The following PRKG1 variants were observed in gnomAD, a reference collection of about 807,000 sequenced individuals.
The protein encoded by PRKG1 is protein kinase cGMP-dependent 1.
PRKG1 carries 35 observed loss-of-function variants against 88.1 expected under a neutral mutation model. The ratio of observed to expected loss-of-function variants is 0.40; its 90% CI spans 0.30 to 0.53. PRKG1 has a LOEUF of 0.53. Ranked by LOEUF, PRKG1 falls within the 20% of genes least tolerant of loss-of-function variation. PRKG1 has a pLI of 0.59. For synonymous variants in PRKG1, 303 were observed against 292.5 expected (o/e 1.04, Z -0.37); for missense variants, 540 against 839.8 (o/e 0.64, Z 4.41).
At chr10:51,077,663 G>A (rs1417589557) in intron 1 of PRKG1, among the ~76,000 whole-genome samples, 3 of 152,122 alleles carry the variant, frequency 2.0e-5, no homozygotes, top group Admixed American at 6.5e-5. Flanking sequence ...GGAAGGTTCT[G>A]TCAGATTCCA....
rs555678608 is a variant in PRKG1, at chr10:51,652,855, C to T, written c.593-151730C>T. 2.6e-4 allele frequency among the ~76,000 whole-genome samples: 39 copies of T among 152,290 alleles called. No homozygotes were observed. In the South Asian group the frequency reaches 7.9e-3, roughly 31 times the overall value. ...TCCTGTCTAATTGAAACTTTGAGCC[C>T]TTTGATCAACATCTCCTCTTCTCCT... is the stretch of plus-strand genomic sequence containing the variant. On this transcript the variant is annotated intron_variant, in intron 3 of 17. Coordinates refer to ENST00000373980, the MANE Select transcript of PRKG1 (RefSeq NM_006258.4).
Position 51,780,892 on chromosome 10 carries a change from C to T in PRKG1, c.593-23693C>T, listed in dbSNP as rs576146919. Among the ~76,000 whole-genome samples, 4 of 152,218 alleles carry T rather than the reference C, an allele frequency of 2.6e-5. No homozygotes were observed. The South Asian group carries it at 6.2e-4, about 24-fold the overall frequency. Reference sequence around the variant, plus strand: ...TTTCTTATTCATGTGAAACAGGTGTCATCACATAAAATTTTGACATAGAAT... The same window carrying T: ...TTTCTTATTCATGTGAAACAGGTGTTATCACATAAAATTTTGACATAGAAT... On this transcript the variant is annotated intron_variant, in intron 3 of 17. Coordinates refer to ENST00000373980, the MANE Select transcript of PRKG1 (RefSeq NM_006258.4).
In PRKG1 at chr10:51,637,588, G is replaced by A. The variant is rs116565436; in HGVS notation, c.593-166997G>A. 8.2e-3 allele frequency among the ~76,000 whole-genome samples: 1,255 copies of A among 152,304 alleles called. 16 individuals are homozygous for A. The highest frequency in any genetic ancestry group is 0.028 in the African/African-American group (1,155 of 41,564). On this transcript the variant is annotated intron_variant, in intron 3 of 17. Coordinates refer to ENST00000373980, the MANE Select transcript of PRKG1 (RefSeq NM_006258.4). ...ATACACCATGGAATACCTTGCAGCC[G>A]TTAAAAGGAACGAGATTATGTCCTC...
intron 5 of PRKG1, among the ~76,000 whole-genome samples, chr10:51,987,333 A>G (rs79479794): frequency 0.029 from 4,476 of 152,154 alleles, 124 homozygotes; most frequent in African/African-American, 0.078. Flanking sequence ...GTGGTTCAAG[A>G]CAGAGAAAAA....
At chr10:51,513,754 CA>C (rs1179923017) in intron 3 of PRKG1, among the ~76,000 whole-genome samples, 1 of 93,120 alleles carries the variant, frequency 1.1e-5, no homozygotes, top group Non-Finnish European at 2.1e-5. Flanking sequence ...CTACTGGGTA[CA>C]TAACGAAATG....
intron 2 of PRKG1, among the ~76,000 whole-genome samples, chr10:51,377,505 T>G (rs979959222): frequency 5.3e-5 from 8 of 152,302 alleles, no homozygotes; most frequent in African/African-American, 1.4e-4. Context: ...GCCTGGGCTC[T>G]GCTAGCACTG....
At chr10:51,626,692 A>T (rs1447111229) in intron 3 of PRKG1, among the ~76,000 whole-genome samples, 9 of 152,016 alleles carry the variant, frequency 5.9e-5, no homozygotes, top group Admixed American at 5.9e-4. Context: ...CAATTTCTTC[A>T]TTCTGTAATA....
chr10:51,440,983 T>C (rs1839088723), intron 2 of PRKG1, among the ~76,000 whole-genome samples: 1 of 151,982 alleles, frequency 6.6e-6, no homozygotes, highest in Admixed American at 6.6e-5. Flanking sequence ...CTTTAAACAT[T>C]AAAATCTTTT....
At chr10:51,815,820 C>CGGG (rs1839570582) in intron 4 of PRKG1, among the ~76,000 whole-genome samples, 1 of 152,080 alleles carries the variant, frequency 6.6e-6, no homozygotes, top group Non-Finnish European at 1.5e-5. Flanking sequence ...TCTGAGAATC[C>CGGG]TGATTTTCTG....
chr10:51,552,320 A>T (rs980028693), intron 3 of PRKG1, among the ~76,000 whole-genome samples: 3 of 151,658 alleles, frequency 2.0e-5, no homozygotes, highest in Non-Finnish European at 3.0e-5. Context: ...TACATTTAGC[A>T]AGTATAAAGG....
chr10:52,190,593 A>G (rs1284563379), intron 9 of PRKG1, among the ~76,000 whole-genome samples: 1 of 152,172 alleles, frequency 6.6e-6, no homozygotes, highest in East Asian at 1.9e-4. Flanking sequence ...ATTGAGGCCT[A>G]TGGAGGTTTA....
intron 3 of PRKG1, among the ~76,000 whole-genome samples, chr10:51,484,473 C>G (rs551320454): frequency 9.9e-4 from 151 of 152,142 alleles, no homozygotes; most frequent in African/African-American, 3.5e-3. Flanking sequence ...GAAGGGATTG[C>G]AACATGTTGC....
At chr10:51,409,784 G>A (rs1039321946) in intron 2 of PRKG1, among the ~76,000 whole-genome samples, 3 of 148,718 alleles carry the variant, frequency 2.0e-5, no homozygotes, top group African/African-American at 5.0e-5. Context: ...AACCCAGGAG[G>A]TGGAGGTTGC....
chr10:52,154,916 C>T (rs975665414), intron 8 of PRKG1, among the ~76,000 whole-genome samples: 9 of 152,166 alleles, frequency 5.9e-5, no homozygotes, highest in Non-Finnish European at 1.2e-4. Context: ...TCCTGAGTTA[C>T]CTCACTTAGA....
intron 10 of PRKG1, among the ~76,000 whole-genome samples, chr10:52,261,266 C>A (rs1312153522): frequency 6.6e-6 from 1 of 151,784 alleles, no homozygotes; most frequent in Non-Finnish European, 1.5e-5. Flanking sequence ...AGGTAAGTTA[C>A]AAAGCAAATA....
intron 9 of PRKG1, among the ~76,000 whole-genome samples, chr10:52,244,406 T>A (rs1338290189): frequency 6.6e-6 from 1 of 151,884 alleles, no homozygotes; most frequent in Non-Finnish European, 1.5e-5. Context: ...AAGAGATGAT[T>A]GATGACTTGA....
At chr10:52,078,178 A>T (rs1038611566) in intron 7 of PRKG1, among the ~76,000 whole-genome samples, 3 of 152,254 alleles carry the variant, frequency 2.0e-5, no homozygotes. Context: ...CCTTAGAAAC[A>T]TGGATTTGCT....
chr10:52,018,584 A>G (rs1217415647), intron 5 of PRKG1, among the ~76,000 whole-genome samples: 1 of 152,214 alleles, frequency 6.6e-6, no homozygotes, highest in Non-Finnish European at 1.5e-5. Context: ...CCAAAACAAC[A>G]CAGGATCTTT....
chr10:51,133,449 G>A (rs986835339), intron 1 of PRKG1, among the ~76,000 whole-genome samples: 1 of 152,152 alleles, frequency 6.6e-6, no homozygotes, highest in African/African-American at 2.4e-5. Flanking sequence ...CCCAGAGATA[G>A]GTGTTGTTTT....
Sources: allele counts gnomAD v4.1 joint callset (sites outside exome capture counted in the v4.1 genomes callset), GRCh38; gene constraint gnomAD v4.1.1; transcripts MANE v1.5; gene names NCBI Gene and HGNC (gene_info 2026-07-23, HGNC 2026-07-21).